EP300: variants seen among roughly 807,000 people sequenced by gnomAD.
EP300 encodes the protein histone acetyltransferase p300.
In EP300, 31 loss-of-function variants were observed where a neutral mutation model predicts 264.0. The observed-to-expected ratio is 0.12, with a 90% CI of 0.09 to 0.16. The LOEUF is 0.16. Among genes scored for constraint, EP300 ranks in the 10% least tolerant of loss-of-function variants. The pLI is 1.00. For synonymous variants in EP300, 1,340 were observed against 1,045.4 expected, an observed-to-expected ratio of 1.28 and a Z score of -5.44; for missense variants, 2,766 against 3,052.9, an observed-to-expected ratio of 0.91 and a Z score of 2.21.
chr22:41,133,730 T>G (rs1174016781), intron 6 of EP300, among the ~76,000 whole-genome samples: 1 of 152,236 alleles, frequency 6.6e-6, no homozygotes, highest in Non-Finnish European at 1.5e-5. Flanking sequence ...TTTTGGTTTT[T>G]GAATTAATCT....
intron 1 of EP300, among the ~76,000 whole-genome samples, chr22:41,107,232 T>TA (rs547159574): frequency 5.9e-5 from 9 of 152,066 alleles, no homozygotes; most frequent in Non-Finnish European, 1.0e-4. Flanking sequence ...GAAAGCCAGC[T>TA]AAAGGGAGGA....
At chr22:41,113,814 G>A (rs2058806976) in intron 1 of EP300, among the ~76,000 whole-genome samples, 1 of 152,176 alleles carries the variant, frequency 6.6e-6, no homozygotes, top group African/African-American at 2.4e-5. Flanking sequence ...CCAAAGTGCT[G>A]GGATAACAGG....
intron 1 of EP300, among the ~76,000 whole-genome samples, chr22:41,103,972 G>A (rs147446820): frequency 6.6e-6 from 1 of 151,304 alleles, no homozygotes; most frequent in Non-Finnish European, 1.5e-5. Flanking sequence ...CAAGATCCAT[G>A]CTTGGTTTGC....
chr22:41,123,524 T>C (rs1230403642), intron 2 of EP300, among the ~76,000 whole-genome samples: 2 of 152,196 alleles, frequency 1.3e-5, no homozygotes, highest in African/African-American at 4.8e-5. Flanking sequence ...ACAGTCACAG[T>C]AGGTAGGAAT....
Position 41,129,939 on chromosome 22 carries a change from T to C in EP300, c.1218T>C (p.Cys406=), listed in dbSNP as rs2058907885. Residue 406 remains cysteine, a synonymous_variant, in exon 5 of 31, where the codon TGT becomes TGC. Transcript: ENST00000263253. ...AAATCATTTCACACTGGAAGAATTG[T>C]ACAAGACATGATTGTCCTGTGTGTC... is the stretch of plus-strand genomic sequence containing the variant. The part of the protein sequence containing the change: ...SRQIISHWKN[C]TRHDCPVCLP... The C allele has an allele frequency of 1.2e-6, 2 of 1,613,998 alleles. No homozygotes were observed. The highest frequency in any genetic ancestry group is 1.1e-5 in the South Asian group (1 of 91,082).
rs368761748 is a variant in EP300 at position 41,151,887 on chromosome 22, A to G, written c.2872A>G (p.Ser958Gly). The change falls in exon 15 of 31, where the codon AGT becomes GGT. Residue 958 changes from serine (S) to glycine (G), a missense_variant. By Grantham distance (56) the Ser-to-Gly change is moderately conservative. Coordinates refer to ENST00000263253, the MANE Select transcript of EP300 (RefSeq NM_001429.4). Reference sequence around the variant, plus strand: ...ACAGGTATCAAATCCTCCATCTACTAGTAGCACAGAAGTGAATTCTCAGGC... The same window carrying G: ...ACAGGTATCAAATCCTCCATCTACTGGTAGCACAGAAGTGAATTCTCAGGC... ...EGQVSNPPST[S>G]STEVNSQAIA... is the part of the protein sequence containing the mutation. 1.0e-4 allele frequency: 164 copies of G among 1,613,962 alleles called. No individual in the cohort carries two copies. The highest frequency in any genetic ancestry group is 1.4e-4 in the Non-Finnish European group (162 of 1,180,016).
intron 1 of EP300, chr22:41,107,964 A>G (rs980524242): frequency 6.6e-6 from 1 of 152,172 alleles, no homozygotes; most frequent in African/African-American, 2.4e-5. Flanking sequence ...CGGCCTCCCA[A>G]AGTGCTGGGA....
At chr22:41,100,411 T>G (rs969823506) in intron 1 of EP300, among the ~76,000 whole-genome samples, 1 of 152,164 alleles carries the variant, frequency 6.6e-6, no homozygotes, top group African/African-American at 2.4e-5. Flanking sequence ...AGAGTAAGCC[T>G]TATGTCATCT....
At chr22:41,144,944 C>T (rs2059002447) in intron 10 of EP300, among the ~76,000 whole-genome samples, 1 of 152,088 alleles carries the variant, frequency 6.6e-6, no homozygotes, top group African/African-American at 2.4e-5. Flanking sequence ...CTTTCTCCTA[C>T]AGTGACACCT....
In EP300 at chr22:41,147,965, G is replaced by A. The variant is rs2145734465; in HGVS notation, c.2241+19G>A. 1 of 1,554,844 alleles carries A rather than the reference G, an allele frequency of 6.4e-7. No individual in the cohort carries two copies. The highest frequency in any genetic ancestry group is 8.8e-7 in the Non-Finnish European group (1 of 1,137,638). On this transcript the variant is annotated intron_variant, in intron 12 of 30. Transcript: ENST00000263253. ...CAACCCGGTTAGTTTGACGTCTTTG[G>A]TAATCTCTTTGGCCTTTACCTGGTA...
At chr22:41,102,311 A>T (rs893633833) in intron 1 of EP300, among the ~76,000 whole-genome samples, 6 of 152,086 alleles carry the variant, frequency 3.9e-5, no homozygotes. Context: ...AGTGGGAGGA[A>T]CAGGAGAACC....
rs762104094 is a variant in EP300, at chr22:41,149,112, A to G, written c.2316A>G (p.Ser772=). 6.2e-7 allele frequency: 1 copy of G among 1,613,400 alleles called. No individual in the cohort carries two copies. Among genetic ancestry groups the G allele is most frequent in the Middle Eastern group, 1.7e-4 (1 of 6,060 alleles). The change falls in exon 13 of 31, where the codon TCA becomes TCG. Residue 772 remains serine, a synonymous_variant. Transcript: ENST00000263253. ...GQFLPQTQFP[S]QGMNVTNIPL... ...TCCTTCCTCAGACTCAGTTCCCATCACAGGGAATGAATGTAACAAATATCC... is the reference window on the plus strand; with the variant it reads ...TCCTTCCTCAGACTCAGTTCCCATCGCAGGGAATGAATGTAACAAATATCC...
At chr22:41,128,188 C>G (rs12160994) in intron 4 of EP300, among the ~76,000 whole-genome samples, 8 of 152,230 alleles carry the variant, frequency 5.3e-5, no homozygotes, top group African/African-American at 1.9e-4. Flanking sequence ...GGCGCAGTGG[C>G]TCATGCCTGT....
chr22:41,131,213 C>G (rs1179047848), intron 5 of EP300, among the ~76,000 whole-genome samples, 175 bp from the exon 6 acceptor site: 1 of 152,070 alleles, frequency 6.6e-6, no homozygotes, highest in Non-Finnish European at 1.5e-5. Context: ...GTCCCCTTTA[C>G]CAATCAGTTC....
chr22:41,166,851 A>C (rs2059137360), intron 23 of EP300, among the ~76,000 whole-genome samples, 185 bp downstream of exon 23: 1 of 152,214 alleles, frequency 6.6e-6, no homozygotes. Flanking sequence ...CCAAAGAAAA[A>C]AATTTCCAAG....
At chr22:41,148,937 CTACT>C in intron 12 of EP300, 97 bp from the exon 13 acceptor site, 1 of 1,540,076 alleles carries the variant, frequency 6.5e-7, no homozygotes, top group Non-Finnish European at 8.9e-7. Context: ...TGGCTTTTCT[CTACT>C]TAATAAGCCT....
chr22:41,117,194 C>G lies in EP300; in HGVS notation c.102C>G (p.Gly34=), dbSNP rs750031887. Residue 34 remains glycine (G), a synonymous_variant, in exon 2 of 31, where the codon GGC becomes GGG. Transcript: ENST00000263253. ...SASASDGTDF[G]SLFDLEHDLP... ...TTTTCCCTTTGCTTTTAGATTTTGG[C>G]TCTCTATTTGACTTGGAGCACGACT... 1 of 1,614,084 alleles carries G rather than the reference C, an allele frequency of 6.2e-7. No individual in the cohort carries two copies. Among genetic ancestry groups the G allele is most frequent in the Non-Finnish European group, 8.5e-7 (1 of 1,179,976 alleles).
chr22:41,148,992 A>G (rs902345658), intron 12 of EP300, 46 bp from the exon 13 acceptor site: 19 of 1,612,122 alleles, frequency 1.2e-5, no homozygotes, highest in Non-Finnish European at 1.5e-5. Context: ...TAGTAGAATA[A>G]CTATAATGAA....
chr22:41,111,847 CTTTT>C (rs1311032103), intron 1 of EP300, among the ~76,000 whole-genome samples: 1 of 91,118 alleles, frequency 1.1e-5, no homozygotes, highest in Non-Finnish European at 2.4e-5. Context: ...ACTTTTTTCT[CTTTT>C]TTTTTCTTTT....
Sources: allele counts gnomAD v4.1 joint callset (sites outside exome capture counted in the v4.1 genomes callset), GRCh38; gene constraint gnomAD v4.1.1; transcripts MANE v1.5; gene names NCBI Gene and HGNC (gene_info 2026-07-23, HGNC 2026-07-21).